GALNT13: variants seen among roughly 807,000 people sequenced by gnomAD.
The protein encoded by GALNT13 is polypeptide N-acetylgalactosaminyltransferase 13.
A neutral mutation model predicts 64.2 loss-of-function variants in GALNT13; 28 were observed. That is an observed-to-expected ratio of 0.44 (90% CI 0.32 to 0.60). GALNT13 has a LOEUF of 0.60. Among genes scored for constraint, GALNT13 ranks in the 20% least tolerant of loss-of-function variants. GALNT13 has a pLI of 0.05. For synonymous variants in GALNT13, 214 were observed against 224.6 expected, an observed-to-expected ratio of 0.95 and a Z score of 0.42; for missense variants, 577 against 669.8, an observed-to-expected ratio of 0.86 and a Z score of 1.53.
chr2:153,747,583 A>T, the GALNT13 span, among the ~76,000 whole-genome samples: 1 of 151,930 alleles, frequency 6.6e-6, no homozygotes, highest in East Asian at 1.9e-4. Flanking sequence ...GCACGCCACC[A>T]TGCCCAGCTA....
chr2:153,205,600 CAAGT>C, the GALNT13 span, among the ~76,000 whole-genome samples: 1 of 152,050 alleles, frequency 6.6e-6, no homozygotes, highest in East Asian at 1.9e-4. Context: ...AAATTCAACT[CAAGT>C]AACCCAATCA....
chr2:154,007,958 C>T (rs1156551840), intron 3 of GALNT13, among the ~76,000 whole-genome samples: 2 of 149,056 alleles, frequency 1.3e-5, no homozygotes, highest in Non-Finnish European at 3.0e-5. Context: ...ATTTCCACTC[C>T]TATTCCATCC....
intron 8 of GALNT13, among the ~76,000 whole-genome samples, chr2:154,268,636 C>CAGAG (rs148641491): frequency 6.7e-6 from 1 of 149,058 alleles, no homozygotes; most frequent in Non-Finnish European, 1.5e-5. Flanking sequence ...GAGAGAGAGA[C>CAGAG]AGAGAGAGAG....
chr2:153,489,979 T>TCACA, the GALNT13 span, among the ~76,000 whole-genome samples: 1 of 114,188 alleles, frequency 8.8e-6, no homozygotes, highest in Non-Finnish European at 1.7e-5. Flanking sequence ...AGGCCCTGTT[T>TCACA]TACACACACA....
At chr2:153,561,803 T>C in the GALNT13 span, among the ~76,000 whole-genome samples, 336 of 152,234 alleles carry the variant, frequency 2.2e-3, no homozygotes, top group African/African-American at 7.8e-3. Flanking sequence ...TAATTAACTG[T>C]TGACTTTTGA....
intron 3 of GALNT13, among the ~76,000 whole-genome samples, chr2:154,042,863 C>T (rs1016927609): frequency 3.3e-5 from 5 of 151,664 alleles, no homozygotes; most frequent in African/African-American, 4.8e-5. Flanking sequence ...CTGTTTGCCC[C>T]GGGGAATACT....
At chr2:153,678,979 A>T in the GALNT13 span, among the ~76,000 whole-genome samples, 2 of 151,964 alleles carry the variant, frequency 1.3e-5, no homozygotes, top group Admixed American at 1.3e-4. Flanking sequence ...ATTCCATTGG[A>T]TCTCTCCTTC....
At chr2:153,661,016 A>G in the GALNT13 span, among the ~76,000 whole-genome samples, 2 of 152,090 alleles carry the variant, frequency 1.3e-5, no homozygotes, top group Admixed American at 6.6e-5. Context: ...CTACCAGGAT[A>G]GGTATAAATA....
chr2:153,471,147 A>G, the GALNT13 span, among the ~76,000 whole-genome samples: 118 of 152,266 alleles, frequency 7.7e-4, no homozygotes, highest in African/African-American at 2.8e-3. Flanking sequence ...GGGAGAAACC[A>G]GGAGAGTGTG....
chr2:154,107,690 A>AG (rs1553478820), intron 3 of GALNT13, among the ~76,000 whole-genome samples: 1 of 151,670 alleles, frequency 6.6e-6, no homozygotes, highest in Non-Finnish European at 1.5e-5. Context: ...TGCAATAGAT[A>AG]TTTTTTAAAA....
chr2:153,386,115 C>T, the GALNT13 span, among the ~76,000 whole-genome samples: 14 of 151,806 alleles, frequency 9.2e-5, no homozygotes, highest in African/African-American at 2.4e-4. Flanking sequence ...ATTTCATGTT[C>T]CACATATGCA....
At chr2:153,780,236 T>TATATGC in the GALNT13 span, among the ~76,000 whole-genome samples, 28 of 11,214 alleles carry the variant, frequency 2.5e-3, 1 homozygote, top group African/African-American at 5.5e-3. Context: ...TATATATATA[T>TATATGC]ATATATATAT....
the GALNT13 span, among the ~76,000 whole-genome samples, chr2:153,277,955 C>G: frequency 1.1e-4 from 5 of 45,680 alleles, no homozygotes; most frequent in African/African-American, 2.4e-4. Flanking sequence ...GAGACAGAGT[C>G]TCACTCGGTC....
chr2:154,119,104 T>G (rs1681777357), intron 3 of GALNT13, among the ~76,000 whole-genome samples: 3 of 152,170 alleles, frequency 2.0e-5, no homozygotes, highest in African/African-American at 7.2e-5. Context: ...TTAAGATTCC[T>G]GTAAGGCAGG....
At chr2:153,529,412 CGT>C in the GALNT13 span, among the ~76,000 whole-genome samples, 2 of 133,986 alleles carry the variant, frequency 1.5e-5, no homozygotes, top group Non-Finnish European at 3.2e-5. Flanking sequence ...AGATCAAAGA[CGT>C]TATAAAAAGT....
At chr2:153,422,453 T>G in the GALNT13 span, among the ~76,000 whole-genome samples, 1 of 152,118 alleles carries the variant, frequency 6.6e-6, no homozygotes, top group Admixed American at 6.5e-5. Context: ...AAAAGATGAG[T>G]AACTTCTAGA....
the GALNT13 span, among the ~76,000 whole-genome samples, chr2:153,725,841 C>T: frequency 1.6e-5 from 2 of 128,460 alleles, no homozygotes; most frequent in Non-Finnish European, 3.2e-5. Flanking sequence ...TCTTTTCCCC[C>T]TCTTTGTGAA....
At chr2:154,079,762 A>C (rs1038251413) in intron 3 of GALNT13, among the ~76,000 whole-genome samples, 5 of 151,638 alleles carry the variant, frequency 3.3e-5, no homozygotes, top group African/African-American at 1.2e-4. Context: ...TTGAAATACA[A>C]AAAATAACCT....
chr2:153,281,815 T>C, the GALNT13 span, among the ~76,000 whole-genome samples: 2 of 147,778 alleles, frequency 1.4e-5, 1 homozygote, highest in South Asian at 4.1e-4. Context: ...CTCTAGCTGC[T>C]TTTAAGGCTT....
Sources: allele counts gnomAD v4.1 joint callset (sites outside exome capture counted in the v4.1 genomes callset), GRCh38; gene constraint gnomAD v4.1.1; transcripts MANE v1.5; gene names NCBI Gene and HGNC (gene_info 2026-07-23, HGNC 2026-07-21).